UBE2E2: variants seen among roughly 807,000 people sequenced by gnomAD.
The protein encoded by UBE2E2 is ubiquitin conjugating enzyme E2 E2, also known as ubiquitin-conjugating enzyme E2 E2.
In UBE2E2, 6 loss-of-function variants were observed where a neutral mutation model predicts 24.7. That is an observed-to-expected ratio of 0.24 (90% CI 0.13 to 0.48). The LOEUF is 0.48. Ranked by LOEUF, UBE2E2 falls within the 20% of genes least tolerant of loss-of-function variation. The pLI, the probability that UBE2E2 is intolerant of heterozygous loss-of-function variation, is 0.99. For synonymous variants in UBE2E2, 104 were observed against 83.6 expected, an observed-to-expected ratio of 1.24 and a Z score of -1.33; for missense variants, 169 against 245.0, an observed-to-expected ratio of 0.69 and a Z score of 2.07.
intron 3 of UBE2E2, among the ~76,000 whole-genome samples, chr3:23,285,798 A>T (rs1698603508): frequency 1.3e-5 from 2 of 152,108 alleles, no homozygotes; most frequent in Non-Finnish European, 1.5e-5. Flanking sequence ...GGTTCAAGCG[A>T]TTCTGTTTCT....
At chr3:23,450,067 C>T in intron 3 of UBE2E2, 1 of 286,624 alleles carries the variant, frequency 3.5e-6, no homozygotes, top group Non-Finnish European at 5.2e-6. Flanking sequence ...GGGAATTGGC[C>T]AGGCCGTCTT....
At chr3:23,570,508 A>C (rs991792355) in intron 5 of UBE2E2, among the ~76,000 whole-genome samples, 3 of 152,214 alleles carry the variant, frequency 2.0e-5, no homozygotes, top group Non-Finnish European at 2.9e-5. Flanking sequence ...TGATGTAAAC[A>C]ATGTATAGTA....
chr3:23,235,955 G>T (rs1474760855), intron 3 of UBE2E2, among the ~76,000 whole-genome samples: 2 of 152,240 alleles, frequency 1.3e-5, no homozygotes, highest in East Asian at 3.9e-4. Flanking sequence ...ATATCAATTT[G>T]AATTGTCATC....
intron 3 of UBE2E2, among the ~76,000 whole-genome samples, chr3:23,264,097 T>G (rs1010587258): frequency 1.3e-5 from 2 of 152,180 alleles, no homozygotes; most frequent in East Asian, 1.9e-4. Context: ...TACCTATGTT[T>G]TGCTGTCGAG....
chr3:23,288,638 A>T (rs571011281), intron 3 of UBE2E2, among the ~76,000 whole-genome samples: 1 of 152,266 alleles, frequency 6.6e-6, no homozygotes, highest in South Asian at 2.1e-4. Flanking sequence ...CTCTTGCTGA[A>T]TTGACCCTTT....
chr3:23,500,044 G>T (rs2125456081), intron 4 of UBE2E2, among the ~76,000 whole-genome samples: 1 of 152,162 alleles, frequency 6.6e-6, no homozygotes, highest in African/African-American at 2.4e-5. Flanking sequence ...GGGGCATAAG[G>T]TTGGGCCAGG....
chr3:23,556,601 T>C (rs1433812994), intron 5 of UBE2E2, among the ~76,000 whole-genome samples: 1 of 152,102 alleles, frequency 6.6e-6, no homozygotes, highest in Non-Finnish European at 1.5e-5. Context: ...TGTGGACATT[T>C]GTTAAGTCCT....
At chr3:23,519,847 T>TC (rs952446254) in intron 4 of UBE2E2, among the ~76,000 whole-genome samples, 21 of 151,954 alleles carry the variant, frequency 1.4e-4, no homozygotes, top group Non-Finnish European at 2.6e-4. Context: ...CAGCTAATTT[T>TC]TTTTTTTTCA....
At position 23,587,104 on chromosome 3, in the gene UBE2E2, G is replaced by GA. The variant is rs534424243; in HGVS notation, c.509-2622dup. Among the ~76,000 whole-genome samples, 75 of 151,756 alleles carry GA rather than the reference G, an allele frequency of 4.9e-4. 1 individual carries two copies. The East Asian group carries it at 9.1e-3, about 18-fold the overall frequency. ...GTTAGTGTGTATAATTTTACAGGTG[G>GA]AAAAAAAATTTTTTAATCAAATTTG... On this transcript the variant is annotated intron_variant, in intron 5 of 5. Transcript: ENST00000396703.
At chr3:23,349,529 C>G (rs1695662739) in intron 3 of UBE2E2, among the ~76,000 whole-genome samples, 1 of 152,222 alleles carries the variant, frequency 6.6e-6, no homozygotes, top group South Asian at 2.1e-4. Flanking sequence ...CACTCCCATC[C>G]TAATACTGCG....
chr3:23,422,347 G>A (rs192424429), intron 3 of UBE2E2, among the ~76,000 whole-genome samples: 29 of 152,244 alleles, frequency 1.9e-4, no homozygotes, highest in Middle Eastern at 3.4e-3. Context: ...AGAGAAAGTG[G>A]TCAACTGGAG....
intron 3 of UBE2E2, among the ~76,000 whole-genome samples, chr3:23,256,472 CAAAAA>C (rs147064855): frequency 6.6e-6 from 1 of 151,194 alleles, no homozygotes; most frequent in Non-Finnish European, 1.5e-5. Flanking sequence ...TAATTTTTGA[CAAAAA>C]AAACTGTAGC....
intron 3 of UBE2E2, among the ~76,000 whole-genome samples, chr3:23,403,913 T>C (rs1240789531): frequency 1.3e-5 from 2 of 152,024 alleles, no homozygotes; most frequent in Non-Finnish European, 2.9e-5. Flanking sequence ...GAATTAACCA[T>C]GTCAGTAACG....
At chr3:23,306,415 C>G (rs1043093189) in intron 3 of UBE2E2, among the ~76,000 whole-genome samples, 1 of 152,132 alleles carries the variant, frequency 6.6e-6, no homozygotes, top group Admixed American at 6.6e-5. Flanking sequence ...TTAGCCAATC[C>G]AGTCTATATC....
At chr3:23,304,096 G>A (rs1009051441) in intron 3 of UBE2E2, among the ~76,000 whole-genome samples, 1 of 152,088 alleles carries the variant, frequency 6.6e-6, no homozygotes, top group Non-Finnish European at 1.5e-5. Context: ...TGAAGAATTG[G>A]CATTTTATGT....
chr3:23,294,294 A>C (rs1698848806), intron 3 of UBE2E2, among the ~76,000 whole-genome samples: 1 of 152,192 alleles, frequency 6.6e-6, no homozygotes, highest in Non-Finnish European at 1.5e-5. Context: ...GTGCAGTTAA[A>C]CTAGGAAAAA....
rs535910533 is a variant in UBE2E2, at chr3:23,440,392, G to A, written c.228-59216G>A. 2.6e-5 allele frequency among the ~76,000 whole-genome samples: 4 copies of A among 152,282 alleles called. No homozygotes were observed. The South Asian group carries it at 6.2e-4, about 24-fold the overall frequency. On this transcript the variant is annotated intron_variant, in intron 3 of 5. Transcript: ENST00000396703. The stretch of plus-strand genomic sequence containing the variant: ...CAAAGTGCTGAGATTACAGGCATGG[G>A]CCATTGTACCCGGCTATCTTATCTT...
intron 3 of UBE2E2, among the ~76,000 whole-genome samples, chr3:23,282,697 G>A (rs774903692): frequency 4.6e-5 from 7 of 151,672 alleles, no homozygotes; most frequent in Non-Finnish European, 7.4e-5. Flanking sequence ...AAACTAAATT[G>A]AAGTTTAAAA....
chr3:23,355,326 A>G (rs887968582), intron 3 of UBE2E2, among the ~76,000 whole-genome samples: 5 of 152,118 alleles, frequency 3.3e-5, no homozygotes, highest in Non-Finnish European at 7.4e-5. Flanking sequence ...AAATGTATAC[A>G]TACGTAACCT....
Sources: allele counts gnomAD v4.1 joint callset (sites outside exome capture counted in the v4.1 genomes callset), GRCh38; gene constraint gnomAD v4.1.1; transcripts MANE v1.5; gene names NCBI Gene and HGNC (gene_info 2026-07-23, HGNC 2026-07-21).